Variants in BCAS4 observed in about 807,000 individuals in gnomAD.
BCAS4 encodes breast carcinoma-amplified sequence 4.
A neutral mutation model predicts 15.7 loss-of-function variants in BCAS4; 9 were observed. That is an observed-to-expected ratio of 0.57 (90% CI 0.34 to 1.00). BCAS4 has a LOEUF of 1.00. Among genes scored for constraint, BCAS4 ranks in the 50% least tolerant of loss-of-function variants. The pLI, the probability that BCAS4 is intolerant of heterozygous loss-of-function variation, is 0.02. For missense variants in BCAS4, 225 were observed against 239.1 expected (o/e 0.94, Z 0.39); for synonymous variants, 101 against 99.5 (o/e 1.02, Z -0.09).
chr20:50,860,549 C>T (rs1193970648), intron 4 of BCAS4, among the ~76,000 whole-genome samples: 1 of 152,182 alleles, frequency 6.6e-6, no homozygotes, highest in Admixed American at 6.5e-5. Flanking sequence ...CACTCACATA[C>T]TTCCCTGGAG....
chr20:50,842,592 A>AT (rs1400239375), intron 4 of BCAS4, among the ~76,000 whole-genome samples: 2 of 151,928 alleles, frequency 1.3e-5, no homozygotes, highest in Non-Finnish European at 2.9e-5. Flanking sequence ...TAATTTTTGT[A>AT]TTTTTAGTAG....
chr20:50,795,404 C>T (rs1168565232), intron 1 of BCAS4, among the ~76,000 whole-genome samples: 2 of 152,168 alleles, frequency 1.3e-5, no homozygotes, highest in South Asian at 2.1e-4. Flanking sequence ...GCTTTCCCTC[C>T]CCACCCGGGT....
intron 4 of BCAS4, among the ~76,000 whole-genome samples, chr20:50,863,505 G>A (rs1356938931): frequency 1.3e-5 from 2 of 152,110 alleles, no homozygotes; most frequent in African/African-American, 4.8e-5. Flanking sequence ...CGATACGCCT[G>A]TCTCGGCCTC....
chr20:50,868,287 G>A (rs1979456451), intron 4 of BCAS4, among the ~76,000 whole-genome samples: 2 of 152,206 alleles, frequency 1.3e-5, no homozygotes, highest in African/African-American at 4.8e-5. Context: ...AGGTCACTAA[G>A]TGCAGCCCTA....
chr20:50,854,975 G>T (rs1395836187), intron 4 of BCAS4, among the ~76,000 whole-genome samples: 2 of 152,208 alleles, frequency 1.3e-5, no homozygotes, highest in African/African-American at 4.8e-5. Flanking sequence ...CACTGCTCAT[G>T]CCAGGAGCAC....
In BCAS4 at chr20:50,811,087, C is replaced by T. The variant is rs553021470; in HGVS notation, c.91-7124C>T. Among the ~76,000 whole-genome samples, 155 of 152,162 alleles carry T rather than the reference C, an allele frequency of 1.0e-3. 1 individual carries two copies. Among genetic ancestry groups the T allele is most frequent in the African/African-American group, 3.7e-3 (154 of 41,512 alleles). On this transcript the variant is annotated intron_variant, in intron 1 of 4. Transcript: ENST00000371608. ...CAGGTGCAAAGGCCCTGCGGTGAGG[C>T]TGTGGGTGGGGACGAGCAACAGGCA...
At chr20:50,875,302 C>T (rs1979866267) in intron 4 of BCAS4, among the ~76,000 whole-genome samples, 1 of 151,690 alleles carries the variant, frequency 6.6e-6, no homozygotes, top group Non-Finnish European at 1.5e-5. Context: ...GCCCGCCAGC[C>T]AGCGCACAGT....
rs117464807 is a variant in BCAS4 at position 50,866,223 on chromosome 20, G to A, written c.400-10263G>A. ...CAGCAGGGGAGGGACAGCAGCCACC[G>A]GCCGTGGTGGGGGCCCCAGGTCAGT... On this transcript the variant is annotated intron_variant, in intron 4 of 4. Coordinates refer to ENST00000371608, the MANE Select transcript of BCAS4 (RefSeq NM_198799.4). Among the ~76,000 whole-genome samples, 1,409 of 152,320 alleles carry A rather than the reference G, an allele frequency of 9.3e-3. 12 individuals carry two copies. The highest frequency in any genetic ancestry group is 0.01 in the Non-Finnish European group (699 of 68,028).
chr20:50,870,618 G>C (rs1979590242), intron 4 of BCAS4, among the ~76,000 whole-genome samples: 1 of 152,268 alleles, frequency 6.6e-6, no homozygotes, highest in South Asian at 2.1e-4. Flanking sequence ...AGCCATGAGG[G>C]ACTGTGGGCC....
chr20:50,824,534 A>G (rs572715218), intron 2 of BCAS4, among the ~76,000 whole-genome samples: 1 of 152,276 alleles, frequency 6.6e-6, no homozygotes, highest in Non-Finnish European at 1.5e-5. Context: ...AGGCTTTTTC[A>G]CTGAAATCTG....
chr20:50,810,997 G>A lies in BCAS4; in HGVS notation c.91-7214G>A, dbSNP rs2088055396. ...TATAGGGTCAGGGAAAGCCTCACCT[G>A]GAAGAAATATTTGAGCAAAAGCTAG... On this transcript the variant is annotated intron_variant, in intron 1 of 4. Transcript: ENST00000371608. Among the ~76,000 whole-genome samples, 5 of 152,096 alleles carry A rather than the reference G, an allele frequency of 3.3e-5. 1 individual carries two copies. Among genetic ancestry groups the A allele is most frequent in the Admixed American group, 2.6e-4 (4 of 15,260 alleles).
chr20:50,863,559 A>C (rs1979203559), intron 4 of BCAS4, among the ~76,000 whole-genome samples: 1 of 152,106 alleles, frequency 6.6e-6, no homozygotes, highest in South Asian at 2.1e-4. Context: ...CACCCGGCCT[A>C]GTTGGTGCTA....
At chr20:50,841,456 A>G (rs2088480796) in intron 3 of BCAS4, among the ~76,000 whole-genome samples, 1 of 151,948 alleles carries the variant, frequency 6.6e-6, no homozygotes, top group Non-Finnish European at 1.5e-5. Context: ...CCACTTCCTG[A>G]CTTTGTGACT....
chr20:50,882,037 A>G (rs1306194981), downstream of BCAS4: 2 of 152,240 alleles, frequency 1.3e-5, no homozygotes, highest in Non-Finnish European at 2.9e-5. Flanking sequence ...GGCAATTGGC[A>G]TACCTAACAA....
intron 4 of BCAS4, among the ~76,000 whole-genome samples, chr20:50,875,306 G>A (rs1378983355): frequency 6.6e-6 from 1 of 152,206 alleles, no homozygotes; most frequent in African/African-American, 2.4e-5. Context: ...GCCAGCCAGC[G>A]CACAGTGAGC....
intron 1 of BCAS4, 99 bp from the exon 2 acceptor site, chr20:50,818,112 T>C: frequency 8.9e-7 from 1 of 1,120,426 alleles, no homozygotes; most frequent in Non-Finnish European, 1.3e-6. Context: ...GGGCACATAA[T>C]CCTAAGACTT....
rs145952707 is a variant in BCAS4 at position 50,822,974 on chromosome 20, G to A, written c.162+4692G>A. ...CTTAACCCACATCCCAGCAATTCTA[G>A]TCCTTGTCATTACCGATAAGGAATG... On this transcript the variant is annotated intron_variant, in intron 2 of 4. Coordinates refer to ENST00000371608, the MANE Select transcript of BCAS4 (RefSeq NM_198799.4). Among the ~76,000 whole-genome samples, 414 of 152,082 alleles carry A rather than the reference G, an allele frequency of 2.7e-3. 3 individuals are homozygous for A. Among genetic ancestry groups the A allele is most frequent in the African/African-American group, 9.7e-3 (401 of 41,484 alleles).
At chr20:50,853,233 C>G (rs1003364051) in intron 4 of BCAS4, among the ~76,000 whole-genome samples, 1 of 150,914 alleles carries the variant, frequency 6.6e-6, no homozygotes, top group African/African-American at 2.4e-5. Context: ...CAACCTCCGC[C>G]TCCCGGGTTC....
At chr20:50,865,045 A>G (rs1979287579) in intron 4 of BCAS4, among the ~76,000 whole-genome samples, 1 of 152,118 alleles carries the variant, frequency 6.6e-6, no homozygotes, top group African/African-American at 2.4e-5. Context: ...GTGAGCCGAG[A>G]TCGCACCACT....
Sources: gnomAD v4.1 joint callset for allele counts (sites outside exome capture counted in the v4.1 genomes callset) on GRCh38, gnomAD v4.1.1 for gene constraint, MANE v1.5 for transcripts, NCBI Gene and HGNC (gene_info 2026-07-23, HGNC 2026-07-21) for gene names.